Variants in NCR3LG1 observed in about 807,000 individuals in gnomAD.
The protein encoded by NCR3LG1 is natural killer cell cytotoxicity receptor 3 ligand 1.
A neutral mutation model predicts 34.8 loss-of-function variants in NCR3LG1; 35 were observed. That is an observed-to-expected ratio of 1.01 (90% confidence interval 0.77 to 1.33). NCR3LG1 has a LOEUF of 1.33. Among genes scored for constraint, NCR3LG1 ranks in the 40% most tolerant of loss-of-function variants. The pLI is 0.00. For synonymous variants in NCR3LG1, 173 were observed against 163.6 expected (o/e 1.06, Z -0.44); for missense variants, 452 against 423.3 (o/e 1.07, Z -0.60).
downstream of NCR3LG1, chr11:17,380,818 T>G (rs1251944822): frequency 1.3e-5 from 2 of 152,248 alleles, no homozygotes; most frequent in Admixed American, 6.5e-5. Flanking sequence ...TTAGTAATCA[T>G]TCCTAAATGT....
Position 17,373,709 on chromosome 11 carries a change from A to G in NCR3LG1, c.*1197A>G, listed in dbSNP as rs1180117046. The G allele has an allele frequency of 1.3e-5, 2 of 152,150 alleles. No homozygotes were observed. Among genetic ancestry groups the G allele is most frequent in the Admixed American group, 6.5e-5 (1 of 15,278 alleles). 9.4% of individuals were successfully genotyped at this position (152,150 alleles called of 1,614,324 possible). ...ATCTCAGGAAAGACTTTAACTTGAT[A>G]TTTTTCTCAACCTATTAGTTGCAGT... On this transcript the variant is annotated 3_prime_UTR_variant, in exon 5 of 5. Transcript: ENST00000338965.
downstream of NCR3LG1, chr11:17,380,586 A>G (rs1953508436): frequency 6.6e-6 from 1 of 152,162 alleles, no homozygotes; most frequent in African/African-American, 2.4e-5. Flanking sequence ...CCTGGGCTCA[A>G]GCGATACTCC....
chr11:17,375,703 C>T lies in NCR3LG1; in HGVS notation c.*3191C>T, dbSNP rs1953468471. The T allele has an allele frequency of 6.6e-6, 1 of 152,154 alleles. No individual in the cohort carries two copies. Among genetic ancestry groups the T allele is most frequent in the African/African-American group, 2.4e-5 (1 of 41,426 alleles). The allele number at this position is 152,154 out of a possible 1,614,324, so 9.4% of individuals were successfully genotyped here. A position where few individuals can be genotyped will look rare whatever the true frequency, so the allele number is the denominator to read the frequency against. On this transcript the variant is annotated 3_prime_UTR_variant, in exon 5 of 5. Transcript: ENST00000338965. ...AGTGGTCAGACATTGCAGAGGGCAT[C>T]AGAAGCGGGTAGATGAAATAGCGAA...
chr11:17,353,742 G>C (rs1953170816), intron 1 of NCR3LG1, among the ~76,000 whole-genome samples: 1 of 152,208 alleles, frequency 6.6e-6, no homozygotes, highest in African/African-American at 2.4e-5. Flanking sequence ...CCTGGAGGAA[G>C]CTAGTTCCGG....
Position 17,360,040 on chromosome 11 carries a change from G to T in NCR3LG1, c.421+3039G>T, listed in dbSNP as rs144234245. Among the ~76,000 whole-genome samples the T allele has an allele frequency of 5.3e-5, 8 of 152,008 alleles. No homozygotes were observed. In the South Asian group the frequency reaches 1.0e-3, roughly 20 times the overall value. On this transcript the variant is annotated intron_variant, in intron 2 of 4. Transcript: ENST00000338965. Reference sequence around the variant, plus strand: ...CAGGCTTCAGCCTCCCAAGTAGCTAGGACTACAGGTGCACATCACCATGCC... The same window carrying T: ...CAGGCTTCAGCCTCCCAAGTAGCTATGACTACAGGTGCACATCACCATGCC...
intron 2 of NCR3LG1, among the ~76,000 whole-genome samples, chr11:17,365,914 T>C (rs1040372135): frequency 6.6e-6 from 1 of 152,216 alleles, no homozygotes; most frequent in African/African-American, 2.4e-5. Flanking sequence ...CTGCATGAGG[T>C]GATTTGATCT....
At chr11:17,358,832 C>A (rs1410417189) in intron 2 of NCR3LG1, among the ~76,000 whole-genome samples, 1 of 152,094 alleles carries the variant, frequency 6.6e-6, no homozygotes, top group Non-Finnish European at 1.5e-5. Context: ...TATTTTTTCT[C>A]AAATTTTTCC....
At position 17,372,025 on chromosome 11, in the gene NCR3LG1, C is replaced by T; in HGVS notation, c.878C>T (p.Ser293Leu). The T allele has an allele frequency of 8.6e-6, 6 of 700,526 alleles. No individual in the cohort carries two copies. Among genetic ancestry groups the T allele is most frequent in the South Asian group, 7.4e-5 (5 of 67,518 alleles). 43.4% of individuals were successfully genotyped at this position (700,526 alleles called of 1,614,324 possible). A position where few individuals can be genotyped will look rare whatever the true frequency, so the allele number is the denominator to read the frequency against. ...PWKKICNKSS[S>L]AYTPLKCILK... ...TTCTAGATATGTAACAAATCATCTT[C>T]AGCCTATACTCCTCTCAAGTGCATT... Residue 293 changes from serine (S) to leucine (L), a missense_variant, in exon 5 of 5, where the codon TCA (serine) becomes TTA (leucine). Coordinates refer to ENST00000338965, the MANE Select transcript of NCR3LG1 (RefSeq NM_001202439.3).
chr11:17,367,425 G>A (rs1953358559), intron 3 of NCR3LG1, 78 bp downstream of exon 3: 1 of 1,189,796 alleles, frequency 8.4e-7, no homozygotes, highest in Admixed American at 2.6e-5. Context: ...ACACAGCCTG[G>A]GTCTTAGCTG....
chr11:17,353,004 C>G (rs187356667), intron 1 of NCR3LG1, among the ~76,000 whole-genome samples: 2 of 152,306 alleles, frequency 1.3e-5, no homozygotes, highest in East Asian at 3.9e-4. Flanking sequence ...ATGTAGGAAT[C>G]CCGGAGGCGC....
At chr11:17,352,401 C>T (rs1479516852) in intron 1 of NCR3LG1, among the ~76,000 whole-genome samples, 1 of 152,028 alleles carries the variant, frequency 6.6e-6, no homozygotes, top group Non-Finnish European at 1.5e-5. Context: ...AAGATGGTCT[C>T]CTTGACCTAG....
chr11:17,358,911 ATTTTG>A (rs1591679470), intron 2 of NCR3LG1, among the ~76,000 whole-genome samples: 1 of 152,112 alleles, frequency 6.6e-6, no homozygotes, highest in Admixed American at 6.6e-5. Context: ...TCATTGTAAG[ATTTTG>A]TTTTGTTTTA....
At chr11:17,356,136 C>CTTTT (rs71457872) in intron 1 of NCR3LG1, among the ~76,000 whole-genome samples, 141 of 104,504 alleles carry the variant, frequency 1.3e-3, no homozygotes, top group East Asian at 2.4e-3. Flanking sequence ...TTCTTTCTTT[C>CTTTT]TTTTTTTTTT....
intron 2 of NCR3LG1, among the ~76,000 whole-genome samples, chr11:17,360,843 C>T (rs1010576978): frequency 2.0e-5 from 3 of 151,958 alleles, no homozygotes; most frequent in Admixed American, 2.0e-4. Context: ...CCCTGGCAAT[C>T]CTACCATCTC....
intron 1 of NCR3LG1, among the ~76,000 whole-genome samples, chr11:17,356,042 C>T (rs780254068): frequency 7.9e-5 from 12 of 151,962 alleles, no homozygotes; most frequent in African/African-American, 2.2e-4. Context: ...CTCAAACGAT[C>T]CTCTGGCCTC....
At chr11:17,370,160 C>T (rs1355191396) in intron 4 of NCR3LG1, among the ~76,000 whole-genome samples, 3 of 152,162 alleles carry the variant, frequency 2.0e-5, no homozygotes, top group Non-Finnish European at 2.9e-5. Context: ...AAATGTGTGC[C>T]TTATGCCTTT....
intron 1 of NCR3LG1, among the ~76,000 whole-genome samples, chr11:17,356,425 C>T (rs1301546752): frequency 6.6e-6 from 1 of 152,126 alleles, no homozygotes. Context: ...GCATGAGCCA[C>T]CGTGCCTGGC....
At chr11:17,366,033 G>C (rs941762226) in intron 2 of NCR3LG1, among the ~76,000 whole-genome samples, 8 of 152,160 alleles carry the variant, frequency 5.3e-5, no homozygotes, top group African/African-American at 1.9e-4. Context: ...TTTTCAATTT[G>C]TTCAGCTTTT....
At position 17,367,279 on chromosome 11, in the gene NCR3LG1, G is replaced by A. The variant is rs182355867; in HGVS notation, c.692G>A (p.Arg231Gln). ...GGGACTGTCTACCAGTGTGTGGTAC[G>A]GCATGCGTCCTTGCATACCCCCTTG... Reference protein sequence around the residue: ...DPGTVYQCVVRHASLHTPLRS... With the variant: ...DPGTVYQCVVQHASLHTPLRS... The change falls in exon 3 of 5, where the codon CGG becomes CAG. Residue 231 changes from arginine to glutamine, a missense_variant. Transcript: ENST00000338965. The A allele has an allele frequency of 7.5e-5, 115 of 1,536,190 alleles. No homozygotes were observed. In the Admixed American group the frequency reaches 1.2e-3, roughly 16 times the overall value.
Sources: allele counts gnomAD v4.1 joint callset (sites outside exome capture counted in the v4.1 genomes callset), GRCh38; gene constraint gnomAD v4.1.1; transcripts MANE v1.5; gene names NCBI Gene and HGNC (gene_info 2026-07-23, HGNC 2026-07-21).